ARL15: variants seen among roughly 807,000 people sequenced by gnomAD.
The protein encoded by ARL15 is ARF like GTPase 15, also known as ADP-ribosylation factor-like protein 15.
Under a neutral mutation model 25.2 loss-of-function variants are expected in ARL15, and 19 were observed. That is an observed-to-expected ratio of 0.75 (90% confidence interval 0.53 to 1.10). The LOEUF is 1.10. ARL15 is among the 50% of genes least tolerant of loss of function. The pLI is 0.00. For missense variants in ARL15, 220 were observed against 246.0 expected (o/e 0.89, Z 0.71); for synonymous variants, 94 against 86.8 (o/e 1.08, Z -0.46).
intron 4 of ARL15, among the ~76,000 whole-genome samples, chr5:53,936,204 T>A (rs541400711): frequency 6.6e-6 from 1 of 152,336 alleles, no homozygotes; most frequent in South Asian, 2.1e-4. Flanking sequence ...ATAATGATGA[T>A]AAATAAGCAG....
At chr5:53,893,212 C>T (rs1744775193) in intron 4 of ARL15, among the ~76,000 whole-genome samples, 1 of 152,080 alleles carries the variant, frequency 6.6e-6, no homozygotes, top group Admixed American at 6.6e-5. Context: ...TCCAGGTACA[C>T]GGATGTCAAA....
At chr5:53,961,895 G>T (rs1288998290) in intron 4 of ARL15, among the ~76,000 whole-genome samples, 1 of 152,096 alleles carries the variant, frequency 6.6e-6, no homozygotes, top group African/African-American at 2.4e-5. Context: ...TATCCTGAAG[G>T]TCTTTCGATA....
At chr5:54,248,127 T>G (rs1471558915) in intron 1 of ARL15, among the ~76,000 whole-genome samples, 1 of 152,160 alleles carries the variant, frequency 6.6e-6, no homozygotes, top group Non-Finnish European at 1.5e-5. Flanking sequence ...TGCTATGAAC[T>G]AAATTGTATC....
intron 1 of ARL15, among the ~76,000 whole-genome samples, chr5:54,198,594 G>C (rs1168155042): frequency 6.7e-6 from 1 of 148,642 alleles, no homozygotes; most frequent in South Asian, 2.1e-4. Context: ...TACAAGGGAC[G>C]TGAAGGACCT....
chr5:54,296,634 C>T (rs926856317), intron 1 of ARL15, among the ~76,000 whole-genome samples: 14 of 152,214 alleles, frequency 9.2e-5, no homozygotes, highest in South Asian at 4.1e-4. Flanking sequence ...AACAAAGGCC[C>T]GAGGCTGGGT....
chr5:53,940,803 A>C (rs908214140), intron 4 of ARL15, among the ~76,000 whole-genome samples: 6 of 152,212 alleles, frequency 3.9e-5, no homozygotes, highest in Non-Finnish European at 8.8e-5. Flanking sequence ...TAATAATTTG[A>C]ATGTACATTT....
intron 4 of ARL15, among the ~76,000 whole-genome samples, chr5:53,990,543 A>C (rs1580147375): frequency 6.6e-6 from 1 of 152,320 alleles, no homozygotes; most frequent in Non-Finnish European, 1.5e-5. Flanking sequence ...CAGCCAAGAC[A>C]GTTTAGCTCC....
intron 4 of ARL15, among the ~76,000 whole-genome samples, chr5:53,898,087 C>G (rs1011603946): frequency 3.3e-5 from 5 of 152,084 alleles, no homozygotes; most frequent in Non-Finnish European, 7.4e-5. Flanking sequence ...AACTTCTTCA[C>G]TGTCTTCATG....
chr5:53,908,077 T>C (rs1745330729), intron 4 of ARL15, among the ~76,000 whole-genome samples: 1 of 152,196 alleles, frequency 6.6e-6, no homozygotes, highest in African/African-American at 2.4e-5. Context: ...TTCCGTGGTT[T>C]CATTTTCCTT....
At chr5:54,105,926 G>C (rs567873219) in intron 4 of ARL15, among the ~76,000 whole-genome samples, 7 of 152,058 alleles carry the variant, frequency 4.6e-5, no homozygotes, top group Admixed American at 1.3e-4. Flanking sequence ...GTCTCTATGT[G>C]ATAAATCTAA....
intron 4 of ARL15, among the ~76,000 whole-genome samples, chr5:54,042,012 C>T (rs1395039161): frequency 6.6e-6 from 1 of 151,546 alleles, no homozygotes; most frequent in East Asian, 1.9e-4. Flanking sequence ...GCTTTGTCGC[C>T]CAGGCTGGAG....
At chr5:54,068,789 T>C (rs1194854112) in intron 4 of ARL15, among the ~76,000 whole-genome samples, 1 of 152,196 alleles carries the variant, frequency 6.6e-6, no homozygotes, top group Admixed American at 6.5e-5. Context: ...AATATGTTAA[T>C]ATTGGTTTTA....
At chr5:54,284,327 A>G (rs1758135571) in intron 1 of ARL15, among the ~76,000 whole-genome samples, 1 of 152,050 alleles carries the variant, frequency 6.6e-6, no homozygotes, top group South Asian at 2.1e-4. Flanking sequence ...CTGGTCTCGA[A>G]CTCCTGAGCT....
chr5:54,253,465 C>T (rs926162007), intron 1 of ARL15, among the ~76,000 whole-genome samples: 1 of 152,102 alleles, frequency 6.6e-6, no homozygotes, highest in Non-Finnish European at 1.5e-5. Flanking sequence ...AAACAAAGTA[C>T]CACCAAATGA....
chr5:54,307,333 A>T (rs1161310818), intron 1 of ARL15, among the ~76,000 whole-genome samples: 4 of 152,242 alleles, frequency 2.6e-5, no homozygotes, highest in Non-Finnish European at 5.9e-5. Flanking sequence ...AACTGGTGAA[A>T]AAAAGCAGAA....
chr5:54,246,379 C>T (rs1210090431), intron 1 of ARL15, among the ~76,000 whole-genome samples: 1 of 152,108 alleles, frequency 6.6e-6, no homozygotes, highest in Non-Finnish European at 1.5e-5. Flanking sequence ...CTCTGTAGCC[C>T]CGACCTATCC....
chr5:53,969,841 GA>G (rs914842300), intron 4 of ARL15, among the ~76,000 whole-genome samples: 10 of 150,746 alleles, frequency 6.6e-5, no homozygotes, highest in East Asian at 1.9e-4. Flanking sequence ...GTAAAAAAAA[GA>G]AAAAAAAATC....
At chr5:54,273,809 T>C (rs533429113) in intron 1 of ARL15, among the ~76,000 whole-genome samples, 22 of 152,128 alleles carry the variant, frequency 1.4e-4, no homozygotes, top group Non-Finnish European at 2.6e-4. Flanking sequence ...ATCATGACCA[T>C]GATGATGGTG....
At chr5:54,145,281 T>C (rs1753872161) in intron 3 of ARL15, among the ~76,000 whole-genome samples, 1 of 152,170 alleles carries the variant, frequency 6.6e-6, no homozygotes, top group Admixed American at 6.5e-5. Flanking sequence ...ATGCCATAAA[T>C]ACCAGGGAAT....
Sources: allele counts gnomAD v4.1 joint callset (sites outside exome capture counted in the v4.1 genomes callset), GRCh38; gene constraint gnomAD v4.1.1; transcripts MANE v1.5; gene names NCBI Gene and HGNC (gene_info 2026-07-23, HGNC 2026-07-21).